Variants in LINGO2 observed in about 807,000 individuals in gnomAD.
The protein encoded by LINGO2 is leucine-rich repeat and immunoglobulin-like domain-containing nogo receptor-interacting protein 2.
In LINGO2, 14 loss-of-function variants were observed where a neutral mutation model predicts 30.6. The ratio of observed to expected loss-of-function variants is 0.46; its 90% CI spans 0.30 to 0.72. The LOEUF is 0.72. Ranked by LOEUF, LINGO2 falls within the 30% of genes least tolerant of loss-of-function variation. The pLI, the probability that LINGO2 is intolerant of heterozygous loss-of-function variation, is 0.07. For synonymous variants in LINGO2, 317 were observed against 288.5 expected, an observed-to-expected ratio of 1.10 and a Z score of -1.00; for missense variants, 729 against 751.7, an observed-to-expected ratio of 0.97 and a Z score of 0.35.
At chr9:28,647,333 C>G (rs920610849) in intron 1 of LINGO2, among the ~76,000 whole-genome samples, 1 of 151,982 alleles carries the variant, frequency 6.6e-6, no homozygotes, top group Non-Finnish European at 1.5e-5. Context: ...TGTTTATTCT[C>G]CACTGAGTAA....
At chr9:28,110,263 T>C (rs987047030) in intron 4 of LINGO2, among the ~76,000 whole-genome samples, 11 of 152,176 alleles carry the variant, frequency 7.2e-5, no homozygotes, top group Non-Finnish European at 1.5e-4. Flanking sequence ...ATTAAAGACT[T>C]CAATGTAAAA....
intron 4 of LINGO2, among the ~76,000 whole-genome samples, chr9:28,022,222 TTTTAACAGAATATCCTTGAAA>T (rs1265240098): frequency 1.3e-5 from 2 of 152,034 alleles, no homozygotes; most frequent in African/African-American, 2.4e-5. Flanking sequence ...GGTGCAGGTA[TTTTAACAGAATATCCTTGAAA>T]TTTCTCCCTC....
At chr9:28,038,038 T>C (rs1292641959) in intron 4 of LINGO2, among the ~76,000 whole-genome samples, 1 of 152,244 alleles carries the variant, frequency 6.6e-6, no homozygotes, top group African/African-American at 2.4e-5. Context: ...GTAGTGAGTT[T>C]CAGAGCTGAG....
At chr9:28,617,257 C>A (rs753123883) in intron 1 of LINGO2, among the ~76,000 whole-genome samples, 60 of 151,968 alleles carry the variant, frequency 3.9e-4, no homozygotes, top group African/African-American at 1.4e-3. Context: ...CTTTTCTCCT[C>A]TTTCCGGCTA....
chr9:29,131,644 T>C, the LINGO2 span, among the ~76,000 whole-genome samples: 15 of 152,204 alleles, frequency 9.9e-5, no homozygotes, highest in African/African-American at 3.6e-4. Context: ...AAGTACCATT[T>C]TGTATCAAGA....
chr9:28,218,382 G>T (rs2133886545), intron 4 of LINGO2, among the ~76,000 whole-genome samples: 1 of 151,764 alleles, frequency 6.6e-6, no homozygotes, highest in South Asian at 2.1e-4. Flanking sequence ...ATGCCCTCCA[G>T]TGACTTGATA....
At chr9:28,700,202 C>T in the LINGO2 span, among the ~76,000 whole-genome samples, 9 of 152,050 alleles carry the variant, frequency 5.9e-5, no homozygotes, top group South Asian at 2.1e-4. Context: ...TACTCTTTCT[C>T]TTTATTTCTC....
rs530626652 is a variant in LINGO2 at position 28,297,556 on chromosome 9, C to T, written c.-245-2190G>A. Among the ~76,000 whole-genome samples, 6 of 152,260 alleles carry T rather than the reference C, an allele frequency of 3.9e-5. No homozygotes were observed. In the South Asian group the frequency reaches 1.0e-3, roughly 26 times the overall value. The stretch of plus-strand genomic sequence containing the variant: ...ATTACATCCAATCAAGATGATTAGC[C>T]TTACCTTATGAACAATCTGCTATGT... On this transcript the variant is annotated intron_variant, in intron 3 of 5. Coordinates refer to ENST00000379992, the Ensembl canonical transcript of LINGO2.
At chr9:28,878,136 T>TA in the LINGO2 span, among the ~76,000 whole-genome samples, 2 of 148,838 alleles carry the variant, frequency 1.3e-5, no homozygotes, top group Non-Finnish European at 3.0e-5. Context: ...ACAGATGCAA[T>TA]AAAAAATGAT....
chr9:28,559,137 C>T (rs1240026072), intron 1 of LINGO2, among the ~76,000 whole-genome samples: 1 of 152,046 alleles, frequency 6.6e-6, no homozygotes, highest in East Asian at 1.9e-4. Flanking sequence ...AAACTGTCAT[C>T]AAGTAAATAT....
At chr9:29,101,518 C>A in the LINGO2 span, among the ~76,000 whole-genome samples, 1 of 152,062 alleles carries the variant, frequency 6.6e-6, no homozygotes, top group Admixed American at 6.5e-5. Context: ...ATCCCCCTAC[C>A]CAGTTAAAAT....
chr9:28,597,653 A>T (rs947150525), intron 1 of LINGO2, among the ~76,000 whole-genome samples: 1 of 152,222 alleles, frequency 6.6e-6, no homozygotes, highest in African/African-American at 2.4e-5. Flanking sequence ...CCTAAGCAAT[A>T]AGATATTGTA....
At chr9:29,008,868 G>C in the LINGO2 span, among the ~76,000 whole-genome samples, 1 of 152,086 alleles carries the variant, frequency 6.6e-6, no homozygotes, top group Non-Finnish European at 1.5e-5. Flanking sequence ...GGATTGCAAG[G>C]CTGGTTCAAC....
At chr9:29,057,230 A>G in the LINGO2 span, among the ~76,000 whole-genome samples, 1 of 152,112 alleles carries the variant, frequency 6.6e-6, no homozygotes, top group East Asian at 1.9e-4. Context: ...TCCATCCATG[A>G]GCATGTTTCC....
At chr9:28,222,909 G>A (rs2133902775) in intron 4 of LINGO2, among the ~76,000 whole-genome samples, 1 of 152,248 alleles carries the variant, frequency 6.6e-6, no homozygotes, top group South Asian at 2.1e-4. Context: ...GGTACTCTCG[G>A]GGAACAGCTG....
chr9:28,370,862 TTTA>T (rs1350280732), intron 3 of LINGO2, among the ~76,000 whole-genome samples: 8 of 152,202 alleles, frequency 5.3e-5, no homozygotes, highest in African/African-American at 1.9e-4. Flanking sequence ...AGGCCTGGAT[TTTA>T]TTATTTGAAG....
At chr9:28,708,446 C>G in the LINGO2 span, among the ~76,000 whole-genome samples, 1 of 152,112 alleles carries the variant, frequency 6.6e-6, no homozygotes, top group Non-Finnish European at 1.5e-5. Flanking sequence ...GCCTTAGCTG[C>G]TCTCTTTCTC....
chr9:28,572,504 C>G (rs1823743822), intron 1 of LINGO2, among the ~76,000 whole-genome samples: 1 of 152,082 alleles, frequency 6.6e-6, no homozygotes, highest in African/African-American at 2.4e-5. Context: ...ATCTGTGAAG[C>G]ATAACAACAA....
intron 1 of LINGO2, among the ~76,000 whole-genome samples, chr9:28,534,662 T>C (rs776988396): frequency 3.3e-5 from 5 of 152,148 alleles, no homozygotes; most frequent in African/African-American, 1.2e-4. Context: ...TTAAAAACTC[T>C]TAGATACTGA....
Sources: allele counts gnomAD v4.1 joint callset (sites outside exome capture counted in the v4.1 genomes callset), GRCh38; gene constraint gnomAD v4.1.1; transcripts MANE v1.5; gene names NCBI Gene and HGNC (gene_info 2026-07-23, HGNC 2026-07-21).